The following DDX18 variants were observed in gnomAD, a reference collection of about 807,000 sequenced individuals.
The protein encoded by DDX18 is DEAD-box helicase 18.
DDX18 carries 23 observed loss-of-function variants against 73.5 expected under a neutral mutation model. That is an observed-to-expected ratio of 0.31 (90% CI 0.23 to 0.44). The LOEUF (loss-of-function observed/expected upper bound fraction) is 0.44. DDX18 is among the 20% of genes least tolerant of loss of function. The pLI, the probability that DDX18 is intolerant of heterozygous loss-of-function variation, is 1.00. For synonymous variants in DDX18, 268 were observed against 282.7 expected, an observed-to-expected ratio of 0.95 and a Z score of 0.52; for missense variants, 753 against 792.9, an observed-to-expected ratio of 0.95 and a Z score of 0.60.
chr2:117,821,780 T>C, intron 5 of DDX18, 30 bp downstream of exon 5: 7 of 1,613,748 alleles, frequency 4.3e-6, no homozygotes, highest in Non-Finnish European at 5.1e-6. Context: ...TTTCTGCCAT[T>C]ATTTCACTAG....
chr2:117,824,420 A>G (rs1334643236), intron 7 of DDX18, 149 bp from the exon 8 acceptor site: 8 of 700,378 alleles, frequency 1.1e-5, no homozygotes, highest in Non-Finnish European at 1.4e-5. Flanking sequence ...TTCATGATAT[A>G]CCCTTTTTAC....
intron 11 of DDX18, chr2:117,826,594 C>T (rs1471806794): frequency 8.8e-6 from 5 of 569,412 alleles, no homozygotes; most frequent in Non-Finnish European, 1.6e-5. Context: ...CTCTGTTACC[C>T]AGCAACACCT....
At position 117,817,634 on chromosome 2, in the gene DDX18, A is replaced by G. The variant is rs1256397025; in HGVS notation, c.276A>G (p.Val92=). 1.9e-6 allele frequency: 3 copies of G among 1,613,720 alleles called. No homozygotes were observed. Among genetic ancestry groups the G allele is most frequent in the African/African-American group, 1.3e-5 (1 of 74,938 alleles). The part of the protein sequence containing the change: ...KVTKSPQKST[V]LTNGEAAMQS... Reference sequence around the variant, plus strand: ...CAAAGTCTCCCCAGAAATCCACTGTATTAACCAATGGAGAAGCAGCAATGC... The same window carrying G: ...CAAAGTCTCCCCAGAAATCCACTGTGTTAACCAATGGAGAAGCAGCAATGC... The change falls in exon 2 of 14, where the codon GTA becomes GTG. Residue 92 remains valine (V), a synonymous_variant. Transcript: ENST00000263239.
chr2:117,817,532 A>G lies in DDX18; in HGVS notation c.174A>G (p.Gln58=), dbSNP rs778796337. Residue 58 remains glutamine (Q), a synonymous_variant, in exon 2 of 14, where the codon CAA becomes CAG. Coordinates refer to ENST00000263239, the MANE Select transcript of DDX18 (RefSeq NM_006773.4). The part of the protein sequence containing the change: ...MGSRKVKKSK[Q]KPMNVGLSET... ...GTAGAAAGGTTAAAAAATCAAAACA[A>G]AAGCCCATGAATGTGGGCTTATCAG... 12 of 1,613,900 alleles carry G rather than the reference A, an allele frequency of 7.4e-6. No individual in the cohort carries two copies. In the South Asian group the frequency reaches 1.1e-4, roughly 15 times the overall value.
chr2:117,826,448 C>A, intron 11 of DDX18, 66 bp downstream of exon 11: 1 of 1,463,356 alleles, frequency 6.8e-7, no homozygotes, highest in Non-Finnish European at 9.5e-7. Context: ...AACATTTCTA[C>A]ATGTGTCAGA....
At chr2:117,823,877 GTTT>G (rs1029040891) in intron 7 of DDX18, among the ~76,000 whole-genome samples, 1 of 151,810 alleles carries the variant, frequency 6.6e-6, no homozygotes, top group Non-Finnish European at 1.5e-5. Flanking sequence ...ATGGTCAAAT[GTTT>G]TTTTTCTGTC....
intron 3 of DDX18, among the ~76,000 whole-genome samples, chr2:117,820,906 C>A (rs560844623): frequency 2.0e-5 from 3 of 151,862 alleles, no homozygotes; most frequent in African/African-American, 7.2e-5. Flanking sequence ...TATATAAATT[C>A]CTTGGTTATA....
At position 117,819,674 on chromosome 2, in the gene DDX18, C is replaced by A; in HGVS notation, c.396C>A (p.Asn132Lys). 3 of 1,582,742 alleles carry A rather than the reference C, an allele frequency of 1.9e-6. No individual in the cohort carries two copies. The highest frequency in any genetic ancestry group is 1.9e-5 in the Admixed American group (1 of 52,800). Residue 132 changes from asparagine to lysine, a missense_variant, in exon 3 of 14, where the codon AAC (asparagine) becomes AAA (lysine). Coordinates refer to ENST00000263239, the MANE Select transcript of DDX18 (RefSeq NM_006773.4). ...ATACGAAAAAAGCAAAAACTGAAAACAAAGGGAAATCTGAAGAAGAAAGTG... is the reference window on the plus strand; with the variant it reads ...ATACGAAAAAAGCAAAAACTGAAAAAAAAGGGAAATCTGAAGAAGAAAGTG... ...EPDTKKAKTE[N>K]KGKSEEESAE... is the part of the protein sequence containing the mutation.
chr2:117,826,035 T>TTTTTTTTTC lies in DDX18; in HGVS notation c.1522-226_1522-225insCTTTTTTTT, dbSNP rs1491348229. Reference sequence around the variant, plus strand: ...GTTAATGCAAACATCATGTCCAGCCTTTTTTTTTTTTTTTTTTTTTTTTTT... The same window carrying TTTTTTTTTC: ...GTTAATGCAAACATCATGTCCAGCCTTTTTTTTTCTTTTTTTTTTTTTTTTTTTTTTTTT... On this transcript the variant is annotated intron_variant, in intron 10 of 13. Coordinates refer to ENST00000263239, the MANE Select transcript of DDX18 (RefSeq NM_006773.4). 3 of 28,112 alleles carry TTTTTTTTTC rather than the reference T, an allele frequency of 1.1e-4. No individual in the cohort carries two copies. The African/African-American group carries it at 1.2e-3, about 11-fold the overall frequency. The allele number at this position is 28,112 out of a possible 1,614,324, so 1.7% of individuals were successfully genotyped here. A position where few individuals can be genotyped will look rare whatever the true frequency, so the allele number is the denominator to read the frequency against.
intron 4 of DDX18, 125 bp from the exon 5 acceptor site, chr2:117,821,525 G>C: frequency 8.6e-7 from 1 of 1,160,066 alleles, no homozygotes; most frequent in South Asian, 1.4e-5. Context: ...TAACCCAGGT[G>C]ATCAATTTCA....
intron 9 of DDX18, 23 bp downstream of exon 9, chr2:117,825,124 T>C (rs903971645): frequency 5.6e-6 from 9 of 1,600,058 alleles, no homozygotes; most frequent in Non-Finnish European, 6.8e-6. Flanking sequence ...GATGAGCTCA[T>C]TGAAAACAGG....
intron 3 of DDX18, 31 bp from the exon 4 acceptor site, chr2:117,821,130 A>G (rs202024600): frequency 1.1e-5 from 17 of 1,495,332 alleles, no homozygotes; most frequent in Non-Finnish European, 1.5e-5. Context: ...AAAAAGATAA[A>G]TTTGCTAATG....
intron 1 of DDX18, chr2:117,815,076 C>G: frequency 1.7e-6 from 1 of 585,104 alleles, no homozygotes; most frequent in South Asian, 2.0e-5. Context: ...TCTGAGCAAT[C>G]AGTGTCTTCT....
At chr2:117,826,592 C>T in intron 11 of DDX18, 1 of 569,538 alleles carries the variant, frequency 1.8e-6, no homozygotes, top group Non-Finnish European at 3.2e-6. Flanking sequence ...AGCTCTGTTA[C>T]CCAGCAACAC....
At chr2:117,814,902 C>A (rs1190492802) in intron 1 of DDX18, 40 bp downstream of exon 1, 3 of 1,609,734 alleles carry the variant, frequency 1.9e-6, no homozygotes, top group African/African-American at 1.3e-5. Context: ...AAGACCCACG[C>A]GCGAGCCCTG....
chr2:117,817,029 A>G (rs955888509), intron 1 of DDX18, among the ~76,000 whole-genome samples: 1 of 152,264 alleles, frequency 6.6e-6, no homozygotes, highest in African/African-American at 2.4e-5. Context: ...TTGAAGTGGT[A>G]TGAAAAATAG....
chr2:117,820,047 C>G lies in DDX18; in HGVS notation c.514+255C>G, dbSNP rs973409365. Among the ~76,000 whole-genome samples the G allele has an allele frequency of 5.9e-5, 9 of 152,164 alleles. No individual in the cohort carries two copies. In the East Asian group the frequency reaches 1.3e-3, roughly 23 times the overall value. On this transcript the variant is annotated intron_variant, in intron 3 of 13. Transcript: ENST00000263239. The stretch of plus-strand genomic sequence containing the variant: ...TATTTTATATGCACACTAGCAGCTT[C>G]TAGGATTCCTTGGTTTGTCCTTTTC...
chr2:117,819,589 C>G, intron 2 of DDX18, 60 bp from the exon 3 acceptor site: 1 of 1,374,730 alleles, frequency 7.3e-7, no homozygotes, highest in Non-Finnish European at 9.7e-7. Context: ...GTTTGTTGAT[C>G]TCATTTGGAA....
Position 117,830,829 on chromosome 2 carries a change from C to A in DDX18, c.*105C>A. The stretch of plus-strand genomic sequence containing the variant: ...GACTTTAGAATTTGGACTTACCTAA[C>A]AAGAGTATAAATTGACTTGGGTTGC... On this transcript the variant is annotated 3_prime_UTR_variant, in exon 14 of 14. Coordinates refer to ENST00000263239, the MANE Select transcript of DDX18 (RefSeq NM_006773.4). 7.2e-7 allele frequency: 1 copy of A among 1,384,980 alleles called. No individual in the cohort carries two copies. Among genetic ancestry groups the A allele is most frequent in the Non-Finnish European group, 1.0e-6 (1 of 999,882 alleles). The allele number at this position is 1,384,980 out of a possible 1,614,324, so 85.8% of individuals were successfully genotyped here.
Sources: allele counts gnomAD v4.1 joint callset (sites outside exome capture counted in the v4.1 genomes callset), GRCh38; gene constraint gnomAD v4.1.1; transcripts MANE v1.5; gene names NCBI Gene and HGNC (gene_info 2026-07-23, HGNC 2026-07-21).